The following ZYG11B variants were observed in gnomAD, a reference collection of about 807,000 sequenced individuals.
ZYG11B encodes zyg-11 family member B, cell cycle regulator.
In ZYG11B, 36 loss-of-function variants were observed where a neutral mutation model predicts 82.4. That is an observed-to-expected ratio of 0.44 (90% CI 0.33 to 0.58). The LOEUF (loss-of-function observed/expected upper bound fraction) is 0.58. Ranked by LOEUF, ZYG11B falls within the 20% of genes least tolerant of loss-of-function variation. The pLI, the probability that ZYG11B is intolerant of heterozygous loss-of-function variation, is 0.02. For synonymous variants in ZYG11B, 303 were observed against 312.8 expected (o/e 0.97, Z 0.33); for missense variants, 552 against 895.6 (o/e 0.62, Z 4.90).
Position 52,737,522 on chromosome 1 carries a change from T to A in ZYG11B, c.30+10839T>A, listed in dbSNP as rs984760414. Among the ~76,000 whole-genome samples, 3 of 152,108 alleles carry A rather than the reference T, an allele frequency of 2.0e-5. No individual in the cohort carries two copies. In the East Asian group the frequency reaches 5.8e-4, roughly 29 times the overall value. ...TGGCTCACGCCTGTAATCTCAGCAC[T>A]TTGGGAGGCCGAGGCGGGCGGATCA... On this transcript the variant is annotated intron_variant, in intron 1 of 13. Coordinates refer to ENST00000294353, the MANE Select transcript of ZYG11B (RefSeq NM_024646.3).
At chr1:52,798,220 A>T (rs1383022522) in intron 8 of ZYG11B, among the ~76,000 whole-genome samples, 3 of 152,180 alleles carry the variant, frequency 2.0e-5, no homozygotes, top group Non-Finnish European at 2.9e-5. Context: ...AAATGGAAAA[A>T]GCCCTGACCT....
chr1:52,791,581 C>G (rs1462017811), intron 6 of ZYG11B, among the ~76,000 whole-genome samples: 2 of 152,014 alleles, frequency 1.3e-5, no homozygotes, highest in Non-Finnish European at 2.9e-5. Flanking sequence ...GTTGGCCAGG[C>G]TGGTCTCGAA....
chr1:52,771,797 T>C lies in ZYG11B; in HGVS notation c.951+23T>C. ...AAGGTTAGACTTTAAAAATGTATTA[T>C]TTTGTCAGGCTGACCAATATCTTAG... On this transcript the variant is annotated intron_variant, in intron 3 of 13. Coordinates refer to ENST00000294353, the MANE Select transcript of ZYG11B (RefSeq NM_024646.3). The surrounding 1 kb of genome is among the most constrained non-coding windows in gnomAD (Gnocchi z 5.4). The C allele has an allele frequency of 2.5e-6, 4 of 1,585,758 alleles. No homozygotes were observed. Among genetic ancestry groups the C allele is most frequent in the Non-Finnish European group, 3.4e-6 (4 of 1,166,514 alleles).
intron 12 of ZYG11B, among the ~76,000 whole-genome samples, chr1:52,815,807 C>T (rs184465166): frequency 4.7e-5 from 7 of 147,938 alleles, no homozygotes; most frequent in East Asian, 2.0e-4. Flanking sequence ...TGGTGGCAGG[C>T]GCCTGTAGTC....
At position 52,766,905 on chromosome 1, in the gene ZYG11B, G is replaced by A. The variant is rs1644694402; in HGVS notation, c.197-4115G>A. On this transcript the variant is annotated intron_variant, in intron 2 of 13. Transcript: ENST00000294353. ...TGCCTGTAGTCCCAGCTACTCCAGAGGCTGAGGCGGGAGAATGGTGTGAAC... is the reference window on the plus strand; with the variant it reads ...TGCCTGTAGTCCCAGCTACTCCAGAAGCTGAGGCGGGAGAATGGTGTGAAC... Among the ~76,000 whole-genome samples, 6 of 152,048 alleles carry A rather than the reference G, an allele frequency of 3.9e-5. No individual in the cohort carries two copies. The South Asian group carries it at 1.2e-3, about 31-fold the overall frequency.
chr1:52,802,072 G>T lies in ZYG11B; in HGVS notation c.1648-20G>T. The T allele has an allele frequency of 6.3e-7, 1 of 1,594,540 alleles. No homozygotes were observed. Among genetic ancestry groups the T allele is most frequent in the Non-Finnish European group, 8.5e-7 (1 of 1,173,894 alleles). On this transcript the variant is annotated intron_variant, in intron 9 of 13. Transcript: ENST00000294353. ...TATTTGGTTCTTCAGGTAATTATAG[G>T]TTTCTTTTTCTTTTTACAGTCTTTC... is the stretch of plus-strand genomic sequence containing the variant.
chr1:52,731,940 A>G (rs1191961126), intron 1 of ZYG11B, among the ~76,000 whole-genome samples: 1 of 152,144 alleles, frequency 6.6e-6, no homozygotes, highest in Non-Finnish European at 1.5e-5. Flanking sequence ...AGCAGCTGGG[A>G]CTACAGGCGT....
At chr1:52,764,961 T>C (rs1426621231) in intron 2 of ZYG11B, among the ~76,000 whole-genome samples, 1 of 152,196 alleles carries the variant, frequency 6.6e-6, no homozygotes, top group East Asian at 1.9e-4. Context: ...TCTCAGACTT[T>C]CTACCATTTA....
At chr1:52,764,819 A>C (rs761639219) in intron 2 of ZYG11B, among the ~76,000 whole-genome samples, 1 of 152,164 alleles carries the variant, frequency 6.6e-6, no homozygotes, top group Non-Finnish European at 1.5e-5. Context: ...TGGTGATACT[A>C]GACTGAGACC....
chr1:52,812,773 C>T (rs929808429), intron 10 of ZYG11B, among the ~76,000 whole-genome samples: 7 of 152,082 alleles, frequency 4.6e-5, no homozygotes, highest in Admixed American at 4.6e-4. Context: ...GTCTCCCAGG[C>T]TGGAGTGCAG....
At chr1:52,821,121 A>G (rs1645279625) in intron 13 of ZYG11B, among the ~76,000 whole-genome samples, 1 of 152,100 alleles carries the variant, frequency 6.6e-6, no homozygotes, top group African/African-American at 2.4e-5. Context: ...AAATGCATAA[A>G]AATATAACAA....
intron 13 of ZYG11B, among the ~76,000 whole-genome samples, chr1:52,820,186 T>G: frequency 6.6e-6 from 1 of 151,570 alleles, no homozygotes. Flanking sequence ...ACTGCTGGGA[T>G]TACAGGTGTG....
Position 52,797,228 on chromosome 1 carries a change from A to G in ZYG11B, c.1485+444A>G, listed in dbSNP as rs1410920450. Among the ~76,000 whole-genome samples, 4 of 81,698 alleles carry G rather than the reference A, an allele frequency of 4.9e-5. No homozygotes were observed. In the East Asian group the frequency reaches 1.2e-3, roughly 24 times the overall value. 53.6% of individuals were successfully genotyped at this position (81,698 alleles called of 152,430 possible). A position where few individuals can be genotyped will look rare whatever the true frequency, so the allele number is the denominator to read the frequency against. ...TATATATAATATATAAATATATATTATATAATATAAATTTGTATATATAAT... is the reference window on the plus strand; with the variant it reads ...TATATATAATATATAAATATATATTGTATAATATAAATTTGTATATATAAT... On this transcript the variant is annotated intron_variant, in intron 8 of 13. Coordinates refer to ENST00000294353, the MANE Select transcript of ZYG11B (RefSeq NM_024646.3).
chr1:52,797,194 TA>T (rs1355136196), intron 8 of ZYG11B, among the ~76,000 whole-genome samples: 2 of 77,292 alleles, frequency 2.6e-5, no homozygotes, highest in African/African-American at 5.6e-5. Flanking sequence ...ATATTATATA[TA>T]AATTATTTAT....
intron 8 of ZYG11B, among the ~76,000 whole-genome samples, chr1:52,797,172 A>ATATATTTATATATTATATAT (rs1351911429): frequency 0.051 from 3,483 of 68,920 alleles, 323 homozygotes; most frequent in African/African-American, 0.16. Flanking sequence ...ATTATATATT[A>ATATATTTATATATTATATAT]TATATATTTA....
chr1:52,745,579 G>C (rs1333117388), intron 1 of ZYG11B, among the ~76,000 whole-genome samples: 1 of 152,046 alleles, frequency 6.6e-6, no homozygotes, highest in Non-Finnish European at 1.5e-5. Context: ...CTTTGTTTTT[G>C]TTTGTTATGG....
Position 52,819,785 on chromosome 1 carries a change from G to GA in ZYG11B, c.2045-1645dup, listed in dbSNP as rs199588657. 4.8e-3 allele frequency among the ~76,000 whole-genome samples: 623 copies of GA among 129,174 alleles called. 5 individuals carry two copies. Among genetic ancestry groups the GA allele is most frequent in the African/African-American group, 0.015 (514 of 33,748 alleles). The allele number at this position is 129,174 out of a possible 152,430, so 84.7% of individuals were successfully genotyped here. On this transcript the variant is annotated intron_variant, in intron 13 of 13. Coordinates refer to ENST00000294353, the MANE Select transcript of ZYG11B (RefSeq NM_024646.3). ...TGGGCGACAGAGTGAGACTCTGTCT[G>GA]AAAAAAAAATAATAATAATAATAAT... is the stretch of plus-strand genomic sequence containing the variant.
chr1:52,816,443 T>C (rs1159089181), intron 12 of ZYG11B, 89 bp from the exon 13 acceptor site: 3 of 852,724 alleles, frequency 3.5e-6, no homozygotes, highest in Non-Finnish European at 5.8e-6. Flanking sequence ...AGGATAAAAT[T>C]TTGAAAATGA....
At chr1:52,763,045 C>T (rs954992442) in intron 2 of ZYG11B, among the ~76,000 whole-genome samples, 93 of 151,474 alleles carry the variant, frequency 6.1e-4, no homozygotes, top group African/African-American at 1.9e-3. Flanking sequence ...ATTTATTGAC[C>T]AGACTGTTCT....
Sources: allele counts gnomAD v4.1 joint callset (sites outside exome capture counted in the v4.1 genomes callset), GRCh38; gene constraint gnomAD v4.1.1; non-coding constraint Gnocchi (gnomAD v3.1); transcripts MANE v1.5; gene names NCBI Gene and HGNC (gene_info 2026-07-23, HGNC 2026-07-21).